Variants in OARD1 observed in about 807,000 individuals in gnomAD.
The protein encoded by OARD1 is O-acyl-ADP-ribose deacylase 1, also known as ADP-ribose glycohydrolase OARD1.
In OARD1, 19 loss-of-function variants were observed where a neutral mutation model predicts 19.7. The observed-to-expected ratio is 0.96, with a 90% confidence interval of 0.67 to 1.41. The LOEUF (loss-of-function observed/expected upper bound fraction) is 1.41. OARD1 is among the 40% of genes most tolerant of loss of function. The pLI, the probability that OARD1 is intolerant of heterozygous loss-of-function variation, is 0.00. For synonymous variants in OARD1, 70 were observed against 61.8 expected (o/e 1.13, Z -0.62); for missense variants, 190 against 183.8 (o/e 1.03, Z -0.20).
chr6:41,070,131 TTTTC>T lies in OARD1; in HGVS notation c.185-1_187del. The stretch of plus-strand genomic sequence containing the variant: ...CAGAACAGCCACTTCTCCAGATTTC[TTTTC>T]TAAGAAAAAGTTATTTAATAGTAGA... On this transcript the variant is annotated splice_acceptor_variant and coding_sequence_variant, in exon 4 of 6. Transcript: ENST00000424266. LOFTEE classifies it high-confidence loss of function. 6.5e-7 allele frequency: 1 copy of T among 1,546,850 alleles called. No individual in the cohort carries two copies. The highest frequency in any genetic ancestry group is 1.2e-5 in the South Asian group (1 of 86,500).
chr6:41,094,346 G>A, intron 1 of OARD1: 1 of 1,505,150 alleles, frequency 6.6e-7, no homozygotes, highest in Non-Finnish European at 9.2e-7. Context: ...AGATAACTGT[G>A]CTGGTTCTGG....
At chr6:41,071,888 G>C in intron 1 of OARD1, 1 of 495,996 alleles carries the variant, frequency 2.0e-6, no homozygotes, top group Non-Finnish European at 3.6e-6. Context: ...CTCATTTCGT[G>C]CTTTCCTGGA....
rs1561855773 is a variant in OARD1, at chr6:41,092,190, TGAG to T, written c.-42+5520_-42+5522del. On this transcript the variant is annotated intron_variant, in intron 1 of 4. Coordinates refer to the OARD1 transcript ENST00000480585. ...GATGTTAAAATGCATAAATTAAGAA[TGAG>T]TAACAGAAGTCTGCACAGAGGTGGA... Among the ~76,000 whole-genome samples, 1,356 of 152,246 alleles carry T rather than the reference TGAG, an allele frequency of 8.9e-3. 22 individuals carry two copies. Among genetic ancestry groups the T allele is most frequent in the African/African-American group, 0.031 (1,268 of 41,526 alleles).
At chr6:41,083,938 C>A in intron 1 of OARD1, 1 of 1,093,070 alleles carries the variant, frequency 9.1e-7, no homozygotes, top group Non-Finnish European at 1.3e-6. Flanking sequence ...GTCTTTTCTA[C>A]CTTTTCCTTT....
chr6:41,067,292 G>T lies in OARD1; in HGVS notation c.*43C>A. 1 of 1,316,232 alleles carries T rather than the reference G, an allele frequency of 7.6e-7. No homozygotes were observed. The highest frequency in any genetic ancestry group is 1.1e-6 in the Non-Finnish European group (1 of 913,192). The allele number at this position is 1,316,232 out of a possible 1,614,324, so 81.5% of individuals were successfully genotyped here. ...TTGCCCGGTCCTATGGCCCAGTAGA[G>T]ATGACACAGGAGAACACGGAAACAT... On this transcript the variant is annotated 3_prime_UTR_variant, in exon 6 of 6. Coordinates refer to ENST00000424266, the MANE Select transcript of OARD1 (RefSeq NM_001329686.2).
Position 41,086,871 on chromosome 6 carries a change from G to C in OARD1, c.-42+10842C>G, listed in dbSNP as rs1012156567. 6.6e-5 allele frequency among the ~76,000 whole-genome samples: 10 copies of C among 152,158 alleles called. 1 individual carries two copies. The highest frequency in any genetic ancestry group is 2.0e-4 in the Admixed American group (3 of 15,282). ...TATTTTAAAAAATATTTGCTAGGTG[G>C]ATTAAAGATCTAAATGTAGAAAAGT... On this transcript the variant is annotated intron_variant, in intron 1 of 4. Transcript: ENST00000480585.
At chr6:41,075,767 G>C (rs1039180353), upstream of OARD1, 1 of 150,532 alleles carries the variant, frequency 6.6e-6, no homozygotes, top group African/African-American at 2.4e-5. Flanking sequence ...TTTATCCCCA[G>C]CTGGAACAAA....
At chr6:41,097,276 T>A in intron 1 of OARD1, 2 of 1,291,676 alleles carry the variant, frequency 1.5e-6, no homozygotes, top group Non-Finnish European at 2.2e-6. Context: ...GTGTATTCTC[T>A]TGGGGGGATA....
At chr6:41,068,617 A>G (rs1349020876) in intron 5 of OARD1, among the ~76,000 whole-genome samples, 3 of 152,266 alleles carry the variant, frequency 2.0e-5, no homozygotes, top group African/African-American at 4.8e-5. Flanking sequence ...AGGCAGATGT[A>G]TATTTCAAGG....
intron 2 of OARD1, 146 bp downstream of exon 2, chr6:41,071,450 G>T: frequency 1.0e-6 from 1 of 980,416 alleles, no homozygotes; most frequent in Non-Finnish European, 1.6e-6. Flanking sequence ...GATGATCCCT[G>T]CCTAGAATTT....
At chr6:41,086,664 A>G (rs1401936578) in intron 1 of OARD1, among the ~76,000 whole-genome samples, 1 of 152,184 alleles carries the variant, frequency 6.6e-6, no homozygotes, top group Non-Finnish European at 1.5e-5. Context: ...CTCATGAAAA[A>G]TTCTGCATAT....
At chr6:41,069,361 T>C (rs1763202754) in intron 4 of OARD1, 1 of 155,266 alleles carries the variant, frequency 6.4e-6, no homozygotes, top group Non-Finnish European at 1.4e-5. Context: ...GAAACTGTGC[T>C]TGCTTGCTTT....
chr6:41,091,478 C>T, intron 1 of OARD1: 1 of 1,581,152 alleles, frequency 6.3e-7, no homozygotes. Flanking sequence ...TCCCTTCTTT[C>T]TGTTCTGTGT....
At chr6:41,090,332 C>G (rs2113813060) in intron 1 of OARD1, 3 of 1,572,588 alleles carry the variant, frequency 1.9e-6, no homozygotes, top group Non-Finnish European at 1.7e-6. Flanking sequence ...ATAAGCTTCC[C>G]TAGGACTTTT....
intron 1 of OARD1, chr6:41,094,441 C>T: frequency 6.2e-7 from 1 of 1,614,122 alleles, no homozygotes; most frequent in Non-Finnish European, 8.5e-7. Flanking sequence ...GGCACGGAAG[C>T]GTGGTGAAGG....
upstream of OARD1, among the ~76,000 whole-genome samples, chr6:41,073,665 C>G (rs902672497): frequency 1.2e-4 from 19 of 152,052 alleles, no homozygotes; most frequent in Non-Finnish European, 2.5e-4. Flanking sequence ...CGCGGGGTCC[C>G]GTGTGCGGCT....
In OARD1 at chr6:41,065,632, CCAA is replaced by C. The variant is rs930503586; in HGVS notation, c.*1700_*1702del. On this transcript the variant is annotated 3_prime_UTR_variant, in exon 6 of 6. Coordinates refer to ENST00000424266, the MANE Select transcript of OARD1 (RefSeq NM_001329686.2). ...AACTTGACCCTCCACTGCCCCTACC[CCAA>C]CAACATGAAGAACTTGTCTGTTCCA... The C allele has an allele frequency of 5.9e-5, 9 of 152,292 alleles. No individual in the cohort carries two copies. The highest frequency in any genetic ancestry group is 2.2e-4 in the African/African-American group (9 of 41,562). 9.4% of individuals were successfully genotyped at this position (152,292 alleles called of 1,614,324 possible).
chr6:41,085,080 T>G (rs1390757166), intron 1 of OARD1, among the ~76,000 whole-genome samples: 3 of 152,184 alleles, frequency 2.0e-5, no homozygotes, highest in African/African-American at 7.2e-5. Flanking sequence ...AGTCATTATA[T>G]CCACTGTTAG....
At chr6:41,074,695 A>G (rs549502478), upstream of OARD1, among the ~76,000 whole-genome samples, 5 of 152,254 alleles carry the variant, frequency 3.3e-5, no homozygotes, top group African/African-American at 9.6e-5. Flanking sequence ...AAATACTTGT[A>G]TATCTTGCTA....
Sources: gnomAD v4.1 joint callset for allele counts (sites outside exome capture counted in the v4.1 genomes callset) on GRCh38, gnomAD v4.1.1 for gene constraint, MANE v1.5 for transcripts, NCBI Gene and HGNC (gene_info 2026-07-23, HGNC 2026-07-21) for gene names.